Variants in ERBB4 observed in about 807,000 individuals in gnomAD.
The protein encoded by ERBB4 is receptor tyrosine-protein kinase erbB-4.
Under a neutral mutation model 158.0 loss-of-function variants are expected in ERBB4, and 42 were observed. The observed-to-expected ratio is 0.27, with a 90% CI of 0.21 to 0.34. The LOEUF (loss-of-function observed/expected upper bound fraction) is 0.34. Among genes scored for constraint, ERBB4 ranks in the 10% least tolerant of loss-of-function variants. The pLI, the probability that ERBB4 is intolerant of heterozygous loss-of-function variation, is 1.00. For missense variants in ERBB4, 1,333 were observed against 1,624.1 expected, an observed-to-expected ratio of 0.82 and a Z score of 3.08; for synonymous variants, 583 against 558.7, an observed-to-expected ratio of 1.04 and a Z score of -0.61.
chr2:212,048,769 T>C (rs192164893), intron 2 of ERBB4, among the ~76,000 whole-genome samples: 1 of 152,338 alleles, frequency 6.6e-6, no homozygotes, highest in Admixed American at 6.5e-5. Flanking sequence ...CTGAGAAGTA[T>C]ATTTGGGAAT....
At chr2:211,484,308 A>G (rs2065152532) in intron 20 of ERBB4, among the ~76,000 whole-genome samples, 3 of 152,208 alleles carry the variant, frequency 2.0e-5, no homozygotes, top group Admixed American at 2.0e-4. Flanking sequence ...AGTTACACCA[A>G]TGATCACATT....
At chr2:211,516,722 C>T (rs959561783) in intron 20 of ERBB4, among the ~76,000 whole-genome samples, 8 of 152,102 alleles carry the variant, frequency 5.3e-5, no homozygotes, top group African/African-American at 9.7e-5. Context: ...GTCTTTCTCA[C>T]GCTGCAGTCA....
Position 211,591,288 on chromosome 2 carries a change from G to C in ERBB4, c.2301+27889C>G, listed in dbSNP as rs188630100. ...CATCCATTTATCTGCCAACGAAGGG[G>C]GATAGATTAGGGGAGGGGAGGACAT... is the stretch of plus-strand genomic sequence containing the variant. On this transcript the variant is annotated intron_variant, in intron 19 of 27. Transcript: ENST00000342788. Among the ~76,000 whole-genome samples the C allele has an allele frequency of 6.0e-4, 91 of 152,304 alleles. 1 individual carries two copies. The highest frequency in any genetic ancestry group is 1.8e-3 in the African/African-American group (75 of 41,566).
At chr2:211,465,654 T>C (rs1290507705) in intron 20 of ERBB4, among the ~76,000 whole-genome samples, 1 of 152,162 alleles carries the variant, frequency 6.6e-6, no homozygotes, top group Non-Finnish European at 1.5e-5. Flanking sequence ...TATAAGTCAC[T>C]GTATAATCAA....
At chr2:211,576,148 C>T (rs528290259) in intron 19 of ERBB4, among the ~76,000 whole-genome samples, 1 of 152,136 alleles carries the variant, frequency 6.6e-6, no homozygotes, top group Non-Finnish European at 1.5e-5. Flanking sequence ...CCCACTCAGG[C>T]AAAAGGGGTT....
intron 2 of ERBB4, among the ~76,000 whole-genome samples, chr2:211,998,420 TTC>T (rs991490731): frequency 1.3e-5 from 2 of 151,734 alleles, no homozygotes; most frequent in Admixed American, 6.6e-5. Context: ...TCACAGATCT[TTC>T]TGAGATAAAC....
At chr2:212,041,148 G>C (rs973684683) in intron 2 of ERBB4, among the ~76,000 whole-genome samples, 2 of 152,016 alleles carry the variant, frequency 1.3e-5, no homozygotes, top group African/African-American at 4.8e-5. Context: ...AAAAAACAAA[G>C]AAAGTGGAAA....
chr2:212,500,615 A>G (rs180939341), intron 1 of ERBB4, among the ~76,000 whole-genome samples: 162 of 152,264 alleles, frequency 1.1e-3, no homozygotes, highest in Non-Finnish European at 1.6e-3. Context: ...TTGTCCCACA[A>G]TGCAGACATG....
At chr2:211,890,055 T>C (rs372704724) in intron 3 of ERBB4, among the ~76,000 whole-genome samples, 5,412 of 88,068 alleles carry the variant, frequency 0.061, 136 homozygotes, top group African/African-American at 0.11. Flanking sequence ...ATACAGAGAA[T>C]GCCACAAAGA....
At chr2:211,968,635 C>T (rs1461891409) in intron 2 of ERBB4, among the ~76,000 whole-genome samples, 1 of 151,976 alleles carries the variant, frequency 6.6e-6, no homozygotes, top group African/African-American at 2.4e-5. Context: ...AAAGCATAAA[C>T]TGAAAATGAC....
intron 1 of ERBB4, among the ~76,000 whole-genome samples, chr2:212,130,311 A>G (rs1356737134): frequency 6.6e-6 from 1 of 152,154 alleles, no homozygotes; most frequent in Non-Finnish European, 1.5e-5. Flanking sequence ...AGGTCCTAAT[A>G]AAATCCTCAA....
intron 2 of ERBB4, among the ~76,000 whole-genome samples, chr2:211,966,064 T>C (rs2081302516): frequency 6.6e-6 from 1 of 151,906 alleles, no homozygotes; most frequent in African/African-American, 2.4e-5. Flanking sequence ...AATGTCAAAA[T>C]TTAGCCGGAC....
chr2:211,504,360 C>T (rs1235848251), intron 20 of ERBB4, among the ~76,000 whole-genome samples: 2 of 151,886 alleles, frequency 1.3e-5, no homozygotes, highest in Admixed American at 1.3e-4. Context: ...ATAATTCATA[C>T]AGAACCTTGG....
chr2:211,997,929 A>T (rs1391515787), intron 2 of ERBB4, among the ~76,000 whole-genome samples: 1 of 151,668 alleles, frequency 6.6e-6, no homozygotes, highest in Non-Finnish European at 1.5e-5. Context: ...ACACACACAC[A>T]CACAAATGCC....
chr2:211,793,571 C>T lies in ERBB4; in HGVS notation c.422-5412G>A, dbSNP rs568412346. 1.4e-4 allele frequency among the ~76,000 whole-genome samples: 21 copies of T among 151,996 alleles called. 1 individual carries two copies. Among genetic ancestry groups the T allele is most frequent in the African/African-American group, 4.8e-4 (20 of 41,512 alleles). ...ACAGAAAGCAGTTACAAGACTTTCT[C>T]GGACATAAAGCAATGTATCTTTCTC... On this transcript the variant is annotated intron_variant, in intron 3 of 27. Transcript: ENST00000342788.
chr2:212,001,265 T>C (rs1179475444), intron 2 of ERBB4, among the ~76,000 whole-genome samples: 2 of 152,164 alleles, frequency 1.3e-5, no homozygotes, highest in East Asian at 3.8e-4. Flanking sequence ...CTTCATTTCA[T>C]ACCAATAGGC....
intron 1 of ERBB4, among the ~76,000 whole-genome samples, chr2:212,305,588 T>C (rs1272935510): frequency 1.3e-5 from 2 of 151,208 alleles, no homozygotes; most frequent in East Asian, 3.9e-4. Flanking sequence ...AAAACCTGAC[T>C]CCTTAACATT....
At chr2:211,609,543 A>G (rs2069114526) in intron 19 of ERBB4, among the ~76,000 whole-genome samples, 1 of 152,120 alleles carries the variant, frequency 6.6e-6, no homozygotes, top group African/African-American at 2.4e-5. Context: ...AAGTCTTTTA[A>G]TTAGGCATTT....
intron 1 of ERBB4, among the ~76,000 whole-genome samples, chr2:212,145,804 T>TC (rs1378645794): frequency 6.6e-6 from 1 of 151,940 alleles, no homozygotes; most frequent in Non-Finnish European, 1.5e-5. Context: ...CTTATTTTTT[T>TC]CTCTTTGTCA....
Sources: allele counts gnomAD v4.1 joint callset (sites outside exome capture counted in the v4.1 genomes callset), GRCh38; gene constraint gnomAD v4.1.1; transcripts MANE v1.5; gene names NCBI Gene and HGNC (gene_info 2026-07-23, HGNC 2026-07-21).